Variants in CAV1 observed in about 807,000 individuals in gnomAD.
CAV1 encodes caveolin 1, also known as caveolin-1.
CAV1 carries 10 observed loss-of-function variants against 16.5 expected under a neutral mutation model. The observed-to-expected ratio is 0.61, with a 90% CI of 0.37 to 1.03. The LOEUF is 1.03. Ranked by LOEUF, CAV1 falls within the 50% of genes least tolerant of loss-of-function variation. The pLI is 0.01. For missense variants in CAV1, 212 were observed against 232.8 expected, an observed-to-expected ratio of 0.91 and a Z score of 0.58; for synonymous variants, 76 against 85.1, an observed-to-expected ratio of 0.89 and a Z score of 0.59.
intron 2 of CAV1, among the ~76,000 whole-genome samples, chr7:116,546,538 A>T (rs1448383280): frequency 4.6e-5 from 7 of 151,860 alleles, no homozygotes; most frequent in Admixed American, 1.3e-4. Context: ...AAAAATAAAA[A>T]AAAAAAAAAT....
chr7:116,547,374 A>T (rs1419048835), intron 2 of CAV1, among the ~76,000 whole-genome samples: 1 of 152,218 alleles, frequency 6.6e-6, no homozygotes, highest in Non-Finnish European at 1.5e-5. Context: ...AGAGCAAAAG[A>T]TGGAGAAACC....
intron 2 of CAV1, among the ~76,000 whole-genome samples, chr7:116,550,284 C>T (rs1005350831): frequency 5.9e-5 from 9 of 152,148 alleles, no homozygotes; most frequent in African/African-American, 2.2e-4. Context: ...CCCTTGCTTC[C>T]GCCAGGGGAG....
At chr7:116,539,605 G>C (rs1219345271) in intron 2 of CAV1, among the ~76,000 whole-genome samples, 1 of 152,088 alleles carries the variant, frequency 6.6e-6, no homozygotes, top group Non-Finnish European at 1.5e-5. Context: ...ATTTACTTAG[G>C]TGAAGAGAAA....
At chr7:116,542,459 G>A (rs1793960616) in intron 2 of CAV1, among the ~76,000 whole-genome samples, 1 of 152,170 alleles carries the variant, frequency 6.6e-6, no homozygotes, top group Admixed American at 6.5e-5. Flanking sequence ...CTAAAATTGG[G>A]TCTGGTTTAG....
At chr7:116,545,365 T>A (rs184967745) in intron 2 of CAV1, among the ~76,000 whole-genome samples, 2 of 152,322 alleles carry the variant, frequency 1.3e-5, no homozygotes, top group East Asian at 3.9e-4. Context: ...TTGTAGAGGT[T>A]GGGGACTGCG....
intron 2 of CAV1, among the ~76,000 whole-genome samples, chr7:116,540,059 G>A (rs1370753065): frequency 2.0e-5 from 3 of 152,254 alleles, no homozygotes; most frequent in African/African-American, 4.8e-5. Flanking sequence ...TTGAGAAACC[G>A]AAGCCTCTGC....
intron 2 of CAV1, among the ~76,000 whole-genome samples, chr7:116,533,854 C>T (rs761265089): frequency 9.9e-5 from 15 of 152,122 alleles, no homozygotes; most frequent in Non-Finnish European, 2.1e-4. Flanking sequence ...AGGCAATTTA[C>T]TTCTGTTTTG....
chr7:116,546,702 A>AAAAAAAAATAAAAAAT (rs754539592), intron 2 of CAV1, among the ~76,000 whole-genome samples: 5,001 of 142,974 alleles, frequency 0.035, 208 homozygotes, highest in Middle Eastern at 0.057. Flanking sequence ...TGTCACAAAA[A>AAAAAAAAATAAAAAAT]AAAAAAAAAA....
intron 1 of CAV1, 105 bp downstream of exon 1, chr7:116,525,197 T>C (rs1487860263): frequency 6.2e-7 from 1 of 1,613,658 alleles, no homozygotes; most frequent in Admixed American, 1.7e-5. Context: ...CAGCCCTCTC[T>C]CCACTTCGGA....
chr7:116,551,314 G>C (rs1021073359), intron 2 of CAV1, among the ~76,000 whole-genome samples: 1 of 152,180 alleles, frequency 6.6e-6, no homozygotes, highest in South Asian at 2.1e-4. Context: ...TTTCCAGATG[G>C]AGCTGGTCCT....
intron 2 of CAV1, among the ~76,000 whole-genome samples, chr7:116,548,595 T>G (rs1794098948): frequency 6.6e-6 from 1 of 152,188 alleles, no homozygotes; most frequent in East Asian, 1.9e-4. Flanking sequence ...CCAGAGTCCA[T>G]GGGTTCAGAA....
chr7:116,546,702 A>AAAAAAAAAAATAAAAT lies in CAV1; in HGVS notation c.196-12234_196-12233insTAAAATAAAAAAAAAA, dbSNP rs1554356429. ...ACAAGAATGAGACTCTGTCACAAAA[A>AAAAAAAAAAATAAAAT]AAAAAAAAAAAAGTCTGCAGGCTGC... On this transcript the variant is annotated intron_variant, in intron 2 of 2. Coordinates refer to ENST00000341049, the MANE Select transcript of CAV1 (RefSeq NM_001753.5). Among the ~76,000 whole-genome samples the AAAAAAAAAAATAAAAT allele has an allele frequency of 3.0e-3, 433 of 143,046 alleles. 8 individuals carry two copies. Among genetic ancestry groups the AAAAAAAAAAATAAAAT allele is most frequent in the South Asian group, 0.013 (57 of 4,552 alleles). 93.8% of individuals were successfully genotyped at this position (143,046 alleles called of 152,430 possible). A position where few individuals can be genotyped will look rare whatever the true frequency, so the allele number is the denominator to read the frequency against.
At chr7:116,526,716 G>A (rs1260509041) in intron 2 of CAV1, 27 bp downstream of exon 2, 3 of 1,613,554 alleles carry the variant, frequency 1.9e-6, no homozygotes, top group Non-Finnish European at 1.7e-6. Flanking sequence ...AACAGGGAAG[G>A]GCTGGGACAG....
intron 2 of CAV1, among the ~76,000 whole-genome samples, chr7:116,555,563 A>G (rs1794267620): frequency 1.2e-5 from 1 of 83,086 alleles, no homozygotes; most frequent in Non-Finnish European, 2.5e-5. Flanking sequence ...AAAGAAAGAA[A>G]GAAAGAAAGA....
At chr7:116,526,190 C>A in intron 1 of CAV1, 1 of 761,232 alleles carries the variant, frequency 1.3e-6, no homozygotes, top group Non-Finnish European at 1.6e-6. Context: ...TCCTGCGGGT[C>A]CTGCGTGCTG....
In CAV1 at chr7:116,559,688, A is replaced by C; in HGVS notation, c.*401A>C. 1.9e-6 allele frequency: 1 copy of C among 526,970 alleles called. No individual in the cohort carries two copies. The highest frequency in any genetic ancestry group is 3.3e-6 in the Non-Finnish European group (1 of 304,762). The allele number at this position is 526,970 out of a possible 1,614,324, so 32.6% of individuals were successfully genotyped here. On this transcript the variant is annotated 3_prime_UTR_variant, in exon 3 of 3. Coordinates refer to ENST00000341049, the MANE Select transcript of CAV1 (RefSeq NM_001753.5). Reference sequence around the variant, plus strand: ...AATGTTGGTCATTTTATGTTAAGGGAAGAATTCCAGGGTATGGCCATGGAG... The same window carrying C: ...AATGTTGGTCATTTTATGTTAAGGGCAGAATTCCAGGGTATGGCCATGGAG...
intron 2 of CAV1, among the ~76,000 whole-genome samples, chr7:116,557,941 C>G (rs1794325452): frequency 6.6e-6 from 1 of 152,168 alleles, no homozygotes; most frequent in Non-Finnish European, 1.5e-5. Context: ...CTCAACCTGT[C>G]TTTCCAGCCT....
intron 2 of CAV1, among the ~76,000 whole-genome samples, chr7:116,545,294 C>T (rs150819538): frequency 7.6e-4 from 116 of 152,314 alleles, no homozygotes; most frequent in African/African-American, 2.6e-3. Flanking sequence ...CCCACCCACA[C>T]TCCAGTAATG....
intron 2 of CAV1, among the ~76,000 whole-genome samples, chr7:116,551,375 A>G (rs1294846983): frequency 6.6e-6 from 1 of 152,230 alleles, no homozygotes; most frequent in Admixed American, 6.5e-5. Context: ...ATGAGCTGAT[A>G]TTTCAACCGA....
Sources: allele counts gnomAD v4.1 joint callset (sites outside exome capture counted in the v4.1 genomes callset), GRCh38; gene constraint gnomAD v4.1.1; transcripts MANE v1.5; gene names NCBI Gene and HGNC (gene_info 2026-07-23, HGNC 2026-07-21).